ITGA9: variants seen among roughly 807,000 people sequenced by gnomAD.
ITGA9 encodes the protein integrin alpha-9.
Under a neutral mutation model 127.8 loss-of-function variants are expected in ITGA9, and 56 were observed. The ratio of observed to expected loss-of-function variants is 0.44; its 90% confidence interval spans 0.35 to 0.55. The LOEUF is 0.55. ITGA9 is among the 20% of genes least tolerant of loss of function. The pLI is 0.00. For missense variants in ITGA9, 1,196 were observed against 1,347.1 expected (o/e 0.89, Z 1.76); for synonymous variants, 508 against 514.5 (o/e 0.99, Z 0.17).
intron 23 of ITGA9, among the ~76,000 whole-genome samples, chr3:37,752,178 T>C (rs2844378): frequency 0.98 from 149,685 of 152,338 alleles, 73,595 homozygotes; most frequent in Middle Eastern, 1. Context: ...CCTTGCTCAG[T>C]AGGGCCTGAG....
chr3:37,572,055 C>T (rs1201353877), intron 15 of ITGA9, among the ~76,000 whole-genome samples: 3 of 151,938 alleles, frequency 2.0e-5, no homozygotes, highest in South Asian at 2.1e-4. Flanking sequence ...AGGATTTCAG[C>T]GGAATCCAAA....
intron 23 of ITGA9, among the ~76,000 whole-genome samples, chr3:37,758,941 T>C (rs1696689917): frequency 6.6e-6 from 1 of 152,008 alleles, no homozygotes; most frequent in African/African-American, 2.4e-5. Context: ...AAAACCTTCC[T>C]AGATCAAGAT....
At chr3:37,533,147 GA>G (rs1201152135) in intron 13 of ITGA9, among the ~76,000 whole-genome samples, 166 bp from the exon 14 acceptor site, 1 of 152,044 alleles carries the variant, frequency 6.6e-6, no homozygotes, top group Non-Finnish European at 1.5e-5. Flanking sequence ...TCTAAAACCA[GA>G]AAAAAATGCT....
chr3:37,727,939 TTCATTGATTTCATGAAAG>T (rs1396445101), intron 18 of ITGA9, among the ~76,000 whole-genome samples: 1 of 152,236 alleles, frequency 6.6e-6, no homozygotes, highest in Non-Finnish European at 1.5e-5. Flanking sequence ...CAACATCACT[TTCATTGATTTCATGAAAG>T]TCTGCATCTT....
intron 8 of ITGA9, among the ~76,000 whole-genome samples, chr3:37,511,168 GA>G (rs1187391276): frequency 6.6e-6 from 1 of 152,048 alleles, no homozygotes; most frequent in East Asian, 1.9e-4. Flanking sequence ...CCTATAAGAA[GA>G]AACAAAGCAA....
At chr3:37,560,965 T>G (rs1393269704) in intron 15 of ITGA9, among the ~76,000 whole-genome samples, 1 of 152,194 alleles carries the variant, frequency 6.6e-6, no homozygotes, top group Non-Finnish European at 1.5e-5. Context: ...TGGTCTTTCC[T>G]CTGTACTCAT....
intron 15 of ITGA9, among the ~76,000 whole-genome samples, chr3:37,604,849 C>T (rs1036564748): frequency 6.6e-5 from 10 of 152,234 alleles, no homozygotes; most frequent in African/African-American, 2.2e-4. Context: ...CTCTCCCCTT[C>T]CATGAAAGTT....
At chr3:37,684,230 G>A (rs1488680343) in intron 18 of ITGA9, among the ~76,000 whole-genome samples, 1 of 152,178 alleles carries the variant, frequency 6.6e-6, no homozygotes, top group Non-Finnish European at 1.5e-5. Context: ...CCAGAGAAGT[G>A]TCTGTATTTA....
At chr3:37,765,166 T>TGA (rs1696766163) in intron 23 of ITGA9, among the ~76,000 whole-genome samples, 1 of 152,070 alleles carries the variant, frequency 6.6e-6, no homozygotes, top group Admixed American at 6.5e-5. Context: ...AGTCACCCCT[T>TGA]GTATCTCCTG....
At chr3:37,797,805 A>G (rs1313863848) in intron 26 of ITGA9, among the ~76,000 whole-genome samples, 2 of 151,878 alleles carry the variant, frequency 1.3e-5, no homozygotes, top group Non-Finnish European at 2.9e-5. Context: ...AGGTCACTGC[A>G]GCCTTCACAT....
chr3:37,773,351 C>A (rs551248014), intron 23 of ITGA9, among the ~76,000 whole-genome samples: 176 of 152,330 alleles, frequency 1.2e-3, no homozygotes, highest in Non-Finnish European at 2.2e-3. Flanking sequence ...CTGCAGAAAA[C>A]AGTTTCCAGC....
At chr3:37,623,697 G>A (rs554974343) in intron 15 of ITGA9, among the ~76,000 whole-genome samples, 62 of 142,232 alleles carry the variant, frequency 4.4e-4, no homozygotes, top group Admixed American at 1.8e-3. Flanking sequence ...GTGTCTGTGT[G>A]TGTGTGTGTG....
intron 23 of ITGA9, among the ~76,000 whole-genome samples, chr3:37,775,419 C>T (rs1378259215): frequency 5.3e-5 from 8 of 151,858 alleles, no homozygotes; most frequent in African/African-American, 1.7e-4. Context: ...CCGAGGCGGG[C>T]GGATCATGAG....
chr3:37,622,528 T>G (rs1392342557), intron 15 of ITGA9, among the ~76,000 whole-genome samples: 1 of 152,138 alleles, frequency 6.6e-6, no homozygotes, highest in Non-Finnish European at 1.5e-5. Context: ...TAGATTTTAA[T>G]ATCATAGTTG....
intron 18 of ITGA9, among the ~76,000 whole-genome samples, chr3:37,720,523 C>T (rs11717973): frequency 0.48 from 72,957 of 151,900 alleles, 17,873 homozygotes; most frequent in South Asian, 0.7. Flanking sequence ...TTGCAGCCTC[C>T]GAGGAAATTT....
At chr3:37,810,811 C>A (rs1697359944) in intron 27 of ITGA9, among the ~76,000 whole-genome samples, 1 of 152,228 alleles carries the variant, frequency 6.6e-6, no homozygotes, top group Non-Finnish European at 1.5e-5. Context: ...GTGCCACCAG[C>A]CCCTGGCCCC....
intron 1 of ITGA9, among the ~76,000 whole-genome samples, chr3:37,462,993 C>T (rs1470009360): frequency 2.0e-5 from 3 of 152,186 alleles, no homozygotes; most frequent in African/African-American, 7.2e-5. Context: ...TCTTTAGGGC[C>T]TATTCTACTA....
At chr3:37,720,484 CTT>C (rs1701179825) in intron 18 of ITGA9, among the ~76,000 whole-genome samples, 1 of 152,162 alleles carries the variant, frequency 6.6e-6, no homozygotes, top group Admixed American at 6.5e-5. Flanking sequence ...TGGAATTCAA[CTT>C]GAATTCTTAG....
rs527923548 is a variant in ITGA9, at chr3:37,743,453, A to G, written c.2325-473A>G. 4.6e-5 allele frequency among the ~76,000 whole-genome samples: 7 copies of G among 152,338 alleles called. No homozygotes were observed. The East Asian group carries it at 1.2e-3, about 25-fold the overall frequency. Reference sequence around the variant, plus strand: ...TATCAATGAACGGATTCAGCTTTCAAATGCCTAACTTCTAGTCATCTTGGC... The same window carrying G: ...TATCAATGAACGGATTCAGCTTTCAGATGCCTAACTTCTAGTCATCTTGGC... On this transcript the variant is annotated intron_variant, in intron 21 of 27. Transcript: ENST00000264741.
Sources: allele counts gnomAD v4.1 joint callset (sites outside exome capture counted in the v4.1 genomes callset), GRCh38; gene constraint gnomAD v4.1.1; transcripts MANE v1.5; gene names NCBI Gene and HGNC (gene_info 2026-07-23, HGNC 2026-07-21).